GLIS3: variants seen among roughly 807,000 people sequenced by gnomAD.
The protein encoded by GLIS3 is GLIS family zinc finger 3, also known as zinc finger protein GLIS3.
GLIS3 carries 53 observed loss-of-function variants against 78.6 expected under a neutral mutation model. The ratio of observed to expected loss-of-function variants is 0.67; its 90% CI spans 0.54 to 0.85. GLIS3 has a LOEUF of 0.85. GLIS3 is among the 40% of genes least tolerant of loss of function. The probability of loss-of-function intolerance (pLI) is 0.00; values close to 1 mark genes in which losing one functional copy is unlikely to be tolerated. For missense variants in GLIS3, 1,703 were observed against 1,231.1 expected (o/e 1.38, Z -5.74); for synonymous variants, 684 against 509.9 (o/e 1.34, Z -4.60).
intron 2 of GLIS3, among the ~76,000 whole-genome samples, chr9:4,312,193 C>T (rs189155921): frequency 1.3e-5 from 2 of 152,344 alleles, no homozygotes; most frequent in East Asian, 1.9e-4. Flanking sequence ...ACAGGCTGGG[C>T]ATGGTGACTC....
chr9:4,290,088 C>T (rs932715542), intron 1 of GLIS3, among the ~76,000 whole-genome samples: 2 of 152,122 alleles, frequency 1.3e-5, no homozygotes, highest in Admixed American at 6.5e-5. Context: ...ATTTCAAGAA[C>T]ATGACTTCCA....
At chr9:3,853,355 T>C (rs1424831393) in intron 9 of GLIS3, among the ~76,000 whole-genome samples, 1 of 120,914 alleles carries the variant, frequency 8.3e-6, no homozygotes, top group Non-Finnish European at 2.0e-5. Flanking sequence ...TCCCATTTTC[T>C]GTATCCTCTT....
At chr9:3,981,465 A>T (rs529846865) in intron 4 of GLIS3, among the ~76,000 whole-genome samples, 1 of 152,274 alleles carries the variant, frequency 6.6e-6, no homozygotes, top group East Asian at 1.9e-4. Flanking sequence ...GTCAGGCGGC[A>T]GCTCAGCCAT....
intron 2 of GLIS3, among the ~76,000 whole-genome samples, chr9:4,237,501 T>G (rs1224026008): frequency 6.6e-6 from 1 of 152,250 alleles, no homozygotes; most frequent in East Asian, 1.9e-4. Flanking sequence ...CTCAGTCTAC[T>G]GAGCCCTAGG....
intron 4 of GLIS3, among the ~76,000 whole-genome samples, chr9:4,076,529 TGTAAACTATATTTAAAATACAAATAA>T (rs1266083703): frequency 6.6e-6 from 1 of 152,188 alleles, no homozygotes; most frequent in East Asian, 1.9e-4. Context: ...AACTGTAAAT[TGTAAACTATATTTAAAATACAAATAA>T]GTAGATAAAA....
chr9:3,967,220 C>G (rs958124731), intron 4 of GLIS3, among the ~76,000 whole-genome samples: 3 of 152,030 alleles, frequency 2.0e-5, no homozygotes, highest in Admixed American at 6.6e-5. Context: ...AATTCTCTAT[C>G]CTGCTGGGCG....
At chr9:4,281,450 T>C (rs183675475) in intron 2 of GLIS3, among the ~76,000 whole-genome samples, 1 of 152,086 alleles carries the variant, frequency 6.6e-6, no homozygotes, top group South Asian at 2.1e-4. Flanking sequence ...TGCCCCCTTC[T>C]CCCCAACTCC....
At chr9:4,364,042 G>T in the GLIS3 span, among the ~76,000 whole-genome samples, 5 of 152,182 alleles carry the variant, frequency 3.3e-5, no homozygotes, top group African/African-American at 1.2e-4. Flanking sequence ...AATCCCTATA[G>T]AGACTTATCT....
At chr9:4,308,953 G>C (rs1007594637) in exon 4 of GLIS3, 1 of 152,198 alleles carries the variant, frequency 6.6e-6, no homozygotes, top group African/African-American at 2.4e-5. Flanking sequence ...TAAGCTCTTT[G>C]TGCCTGTCTC....
At chr9:4,091,548 A>G (rs10217543) in intron 4 of GLIS3, among the ~76,000 whole-genome samples, 32 of 152,112 alleles carry the variant, frequency 2.1e-4, no homozygotes, top group African/African-American at 7.5e-4. Flanking sequence ...CACACACACA[A>G]CCACATAAGT....
chr9:4,047,013 T>A (rs1201270066), intron 4 of GLIS3, among the ~76,000 whole-genome samples: 1 of 152,152 alleles, frequency 6.6e-6, no homozygotes, highest in Admixed American at 6.5e-5. Flanking sequence ...AATGGGTTGC[T>A]GAGTTGGTGA....
At chr9:4,026,737 G>C (rs1823382197) in intron 4 of GLIS3, among the ~76,000 whole-genome samples, 1 of 152,148 alleles carries the variant, frequency 6.6e-6, no homozygotes, top group Non-Finnish European at 1.5e-5. Flanking sequence ...ATGCATTAAA[G>C]CACTTCTACC....
At chr9:3,982,082 T>C (rs1425619617) in intron 4 of GLIS3, among the ~76,000 whole-genome samples, 1 of 152,206 alleles carries the variant, frequency 6.6e-6, no homozygotes, top group Admixed American at 6.5e-5. Context: ...TTTAATTCCT[T>C]TGCTGTTTCC....
At chr9:4,208,408 A>G (rs1052343619) in intron 2 of GLIS3, among the ~76,000 whole-genome samples, 4 of 152,206 alleles carry the variant, frequency 2.6e-5, no homozygotes, top group African/African-American at 9.6e-5. Flanking sequence ...AAGGGGACTG[A>G]GCAAGGATCA....
At chr9:3,940,823 A>G (rs994535093) in intron 4 of GLIS3, among the ~76,000 whole-genome samples, 1 of 152,194 alleles carries the variant, frequency 6.6e-6, no homozygotes, top group Non-Finnish European at 1.5e-5. Context: ...CTATGTTAGT[A>G]ATTGTATCTA....
At chr9:4,383,849 G>C in the GLIS3 span, among the ~76,000 whole-genome samples, 5 of 152,164 alleles carry the variant, frequency 3.3e-5, no homozygotes, top group Non-Finnish European at 1.5e-5. Context: ...GTATTGAATG[G>C]TAACTGGATC....
the GLIS3 span, among the ~76,000 whole-genome samples, chr9:4,395,842 TG>T: frequency 6.6e-6 from 1 of 151,654 alleles, no homozygotes; most frequent in South Asian, 2.1e-4. Flanking sequence ...GGCACAACCT[TG>T]GCTCACTGCA....
Position 3,830,718 on chromosome 9 carries a change from C to A in GLIS3, c.2474-1226G>T, listed in dbSNP as rs185354631. ...TTGGACCCTTATTCCTGTGTGCCTT[C>A]CTCTACTAGAACTGCCTCTTCTTGA... On this transcript the variant is annotated intron_variant, in intron 9 of 10. Coordinates refer to ENST00000381971, the MANE Select transcript of GLIS3 (RefSeq NM_001042413.2). 4.7e-4 allele frequency among the ~76,000 whole-genome samples: 72 copies of A among 152,286 alleles called. 1 individual carries two copies. The East Asian group carries it at 0.014, about 29-fold the overall frequency.
chr9:4,374,409 A>C, the GLIS3 span, among the ~76,000 whole-genome samples: 1 of 152,222 alleles, frequency 6.6e-6, no homozygotes. Flanking sequence ...ACCTTATAGC[A>C]TATTTCAAAA....
Sources: gnomAD v4.1 joint callset for allele counts (sites outside exome capture counted in the v4.1 genomes callset) on GRCh38, gnomAD v4.1.1 for gene constraint, MANE v1.5 for transcripts, NCBI Gene and HGNC (gene_info 2026-07-23, HGNC 2026-07-21) for gene names.